Variants in ITPR1 observed in about 807,000 individuals in gnomAD.
ITPR1 encodes inositol 1,4,5-trisphosphate receptor type 1, also known as inositol 1,4,5-trisphosphate-gated calcium channel ITPR1.
In ITPR1, 96 loss-of-function variants were observed where a neutral mutation model predicts 318.4. That is an observed-to-expected ratio of 0.30 (90% CI 0.26 to 0.36). The LOEUF (loss-of-function observed/expected upper bound fraction) is 0.36. Among genes scored for constraint, ITPR1 ranks in the 10% least tolerant of loss-of-function variants. The probability of loss-of-function intolerance (pLI) is 1.00; values close to 1 mark genes in which losing one functional copy is unlikely to be tolerated. For synonymous variants in ITPR1, 1,312 were observed against 1,289.9 expected (o/e 1.02, Z -0.37); for missense variants, 2,440 against 3,460.2 (o/e 0.71, Z 7.40).
At chr3:4,672,578 C>T (rs2094109636) in intron 20 of ITPR1, among the ~76,000 whole-genome samples, 1 of 152,162 alleles carries the variant, frequency 6.6e-6, no homozygotes, top group Non-Finnish European at 1.5e-5. Context: ...TTCCAGTTAA[C>T]AACATTCACT....
intron 12 of ITPR1, among the ~76,000 whole-genome samples, chr3:4,656,724 T>C (rs2093717481): frequency 6.6e-6 from 1 of 152,230 alleles, no homozygotes; most frequent in African/African-American, 2.4e-5. Flanking sequence ...TTCTTGATTC[T>C]TTTGTTTTCC....
intron 4 of ITPR1, among the ~76,000 whole-genome samples, chr3:4,532,633 AG>A (rs976279892): frequency 6.6e-6 from 1 of 152,190 alleles, no homozygotes; most frequent in Non-Finnish European, 1.5e-5. Context: ...GTCCTCCAAA[AG>A]TATCGGGATT....
intron 2 of ITPR1, among the ~76,000 whole-genome samples, chr3:4,503,874 C>T (rs1353136874): frequency 1.3e-5 from 2 of 152,092 alleles, no homozygotes; most frequent in African/African-American, 4.8e-5. Flanking sequence ...GGTGTCTCTT[C>T]AGGCTGGGAC....
chr3:4,775,308 G>C lies in ITPR1; in HGVS notation c.6046G>C (p.Asp2016His). ...NLVCETLQFL[D>H]CICGSTTGGL... is the part of the protein sequence containing the mutation. ...GGTATGTGAGACCCTGCAGTTTCTGGACTGTATTTGTGGAAGCACAACTGG... is the reference window on the plus strand; with the variant it reads ...GGTATGTGAGACCCTGCAGTTTCTGCACTGTATTTGTGGAAGCACAACTGG... Residue 2016 changes from aspartate (D) to histidine (H), a missense_variant, in exon 47 of 62, where the codon GAC (aspartate) becomes CAC (histidine). Asp to His is a moderately conservative substitution (Grantham distance 81, BLOSUM62 -1). This residue lies in a region of ITPR1 where 76 missense variants were observed against 162.1 expected (regional missense o/e 0.47). Coordinates refer to ENST00000649015, the MANE Select transcript of ITPR1 (RefSeq NM_001378452.1). The C allele has an allele frequency of 6.2e-7, 1 of 1,614,022 alleles. No homozygotes were observed. The highest frequency in any genetic ancestry group is 8.5e-7 in the Non-Finnish European group (1 of 1,179,908).
chr3:4,730,419 G>GTGTGTGTGTGTT (rs1553715707), intron 42 of ITPR1, among the ~76,000 whole-genome samples: 8 of 105,690 alleles, frequency 7.6e-5, no homozygotes, highest in Admixed American at 1.9e-4. Context: ...GTGTGTGTGT[G>GTGTGTGTGTGTT]TTTCCCCCAG....
rs573800522 is a variant in ITPR1, at chr3:4,661,174, C to T, written c.1251+87C>T. The stretch of plus-strand genomic sequence containing the variant: ...TGAGGACAGATCAGGGAGTATGGAG[C>T]GTGGAGATTTGTTGCTTTGGCGAGA... On this transcript the variant is annotated intron_variant, in intron 14 of 61. Transcript: ENST00000649015. The T allele has an allele frequency of 1.3e-4, 97 of 730,138 alleles. 1 individual carries two copies. The highest frequency in any genetic ancestry group is 2.0e-4 in the Non-Finnish European group (87 of 425,506). The allele number at this position is 730,138 out of a possible 1,614,324, so 45.2% of individuals were successfully genotyped here.
intron 44 of ITPR1, among the ~76,000 whole-genome samples, chr3:4,766,279 C>T (rs980992607): frequency 1.2e-4 from 18 of 152,210 alleles, no homozygotes; most frequent in South Asian, 2.1e-4. Context: ...CCACCACACT[C>T]GAGCATGCTC....
chr3:4,650,314 G>A (rs533943217), intron 10 of ITPR1, among the ~76,000 whole-genome samples: 1 of 152,182 alleles, frequency 6.6e-6, no homozygotes, highest in Non-Finnish European at 1.5e-5. Context: ...TCCACAGTGA[G>A]TGGCTGCACC....
intron 4 of ITPR1, among the ~76,000 whole-genome samples, chr3:4,536,340 G>A (rs1177260973): frequency 6.6e-6 from 1 of 152,304 alleles, no homozygotes; most frequent in African/African-American, 2.4e-5. Context: ...GAAGGGTGAG[G>A]TATATTTAAG....
intron 40 of ITPR1, 51 bp from the exon 41 acceptor site, chr3:4,725,495 C>CCA: frequency 6.7e-7 from 1 of 1,497,560 alleles, no homozygotes; most frequent in Non-Finnish European, 9.2e-7. Flanking sequence ...TCTCTGTGGC[C>CCA]CACGAGATGC....
intron 4 of ITPR1, among the ~76,000 whole-genome samples, chr3:4,529,263 G>A (rs897420298): frequency 4.6e-5 from 7 of 152,126 alleles, no homozygotes; most frequent in Non-Finnish European, 8.8e-5. Context: ...TTTTCACTAT[G>A]TGCATAAAAT....
At position 4,710,452 on chromosome 3, in the gene ITPR1, A is replaced by G. The variant is rs1444763404; in HGVS notation, c.4970A>G (p.Glu1657Gly). Residue 1657 changes from glutamate to glycine, a missense_variant, in exon 38 of 62, where the codon GAA becomes GGA. Coordinates refer to ENST00000649015, the MANE Select transcript of ITPR1 (RefSeq NM_001378452.1). This position sits in a 1 kb window ranked among gnomAD's most constrained non-coding sequence, Gnocchi z 4.2. ...PENTDARRKC[E>G]SGGFICKLIK... is the part of the protein sequence containing the mutation. ...AACACAGACGCCAGAAGGAAATGTG[A>G]AAGTGGCGGTTTCATTTGCAAGTAA... is the stretch of plus-strand genomic sequence containing the variant. The G allele has an allele frequency of 6.4e-7, 1 of 1,553,308 alleles. No individual in the cohort carries two copies. The highest frequency in any genetic ancestry group is 8.7e-7 in the Non-Finnish European group (1 of 1,147,686).
At chr3:4,673,783 C>T (rs2094134066) in intron 21 of ITPR1, among the ~76,000 whole-genome samples, 1 of 152,104 alleles carries the variant, frequency 6.6e-6, no homozygotes. Context: ...GGGGTTTCAC[C>T]GTGTTAGCTA....
rs184700001 is a variant in ITPR1, at chr3:4,707,184, A to G, written c.4842+833A>G. 8.3e-4 allele frequency among the ~76,000 whole-genome samples: 126 copies of G among 152,336 alleles called. 3 individuals carry two copies. Among genetic ancestry groups the G allele is most frequent in the African/African-American group, 2.9e-3 (121 of 41,570 alleles). On this transcript the variant is annotated intron_variant, in intron 37 of 61. Coordinates refer to ENST00000649015, the MANE Select transcript of ITPR1 (RefSeq NM_001378452.1). The stretch of plus-strand genomic sequence containing the variant: ...TGTGAGGATTAAGAGAGTTGATAAT[A>G]TGTCCCAGTTACCTGTATTTCGTGC...
At chr3:4,705,392 A>G (rs1243939060) in intron 36 of ITPR1, among the ~76,000 whole-genome samples, 1 of 152,156 alleles carries the variant, frequency 6.6e-6, no homozygotes, top group Non-Finnish European at 1.5e-5. Context: ...GTACAGTGCT[A>G]TTACCTCAAC....
intron 4 of ITPR1, among the ~76,000 whole-genome samples, chr3:4,616,288 C>A (rs983150552): frequency 1.3e-5 from 2 of 152,126 alleles, no homozygotes; most frequent in African/African-American, 4.8e-5. Context: ...AGCAAATAAG[C>A]CCTGACCTCA....
chr3:4,740,710 G>A (rs2043638349), intron 44 of ITPR1, among the ~76,000 whole-genome samples: 1 of 151,776 alleles, frequency 6.6e-6, no homozygotes, highest in African/African-American at 2.4e-5. Context: ...AGGGTAGATC[G>A]TGACTCCCAG....
intron 35 of ITPR1, among the ~76,000 whole-genome samples, chr3:4,702,106 C>CGG (rs1424807490): frequency 4.0e-5 from 6 of 148,300 alleles, no homozygotes; most frequent in Non-Finnish European, 9.1e-5. Context: ...GAGACCAAAA[C>CGG]TATAATTTTT....
chr3:4,803,894 CAG>C (rs1406377502), intron 54 of ITPR1, among the ~76,000 whole-genome samples: 1 of 152,000 alleles, frequency 6.6e-6, no homozygotes, highest in African/African-American at 2.4e-5. Flanking sequence ...TTTTTTGAGA[CAG>C]AGTCTCGATC....
Sources: gnomAD v4.1 joint callset for allele counts (sites outside exome capture counted in the v4.1 genomes callset) on GRCh38, gnomAD v4.1.1 for gene constraint, gnomAD v4.1.1 regional missense constraint, Gnocchi (gnomAD v3.1) non-coding constraint, MANE v1.5 for transcripts, NCBI Gene and HGNC (gene_info 2026-07-23, HGNC 2026-07-21) for gene names.